Variants in RELL1 observed in about 807,000 individuals in gnomAD.
The protein encoded by RELL1 is RELT-like protein 1.
RELL1 carries 10 observed loss-of-function variants against 23.0 expected under a neutral mutation model. The ratio of observed to expected loss-of-function variants is 0.43; its 90% CI spans 0.27 to 0.74. The LOEUF is 0.74. Ranked by LOEUF, RELL1 falls within the 30% of genes least tolerant of loss-of-function variation. RELL1 has a pLI of 0.19. For synonymous variants in RELL1, 146 were observed against 146.8 expected (o/e 0.99, Z 0.04); for missense variants, 315 against 364.4 (o/e 0.86, Z 1.10).
downstream of RELL1, among the ~76,000 whole-genome samples, chr4:37,605,770 AGAGAG>A (rs1719174777): frequency 7.3e-6 from 1 of 137,292 alleles, no homozygotes; most frequent in South Asian, 2.4e-4. Context: ...AAAGAAAGAG[AGAGAG>A]AGAGAGAGAG....
chr4:37,604,934 GACACACACATACACAC>G (rs1560324147), intron 6 of RELL1, among the ~76,000 whole-genome samples: 1 of 116,428 alleles, frequency 8.6e-6, no homozygotes, highest in African/African-American at 3.6e-5. Context: ...CACACACACA[GACACACACATACACAC>G]ACAGAGACAC....
At chr4:37,603,530 A>G (rs1161287666) in intron 6 of RELL1, among the ~76,000 whole-genome samples, 2 of 152,178 alleles carry the variant, frequency 1.3e-5, no homozygotes, top group Non-Finnish European at 2.9e-5. Flanking sequence ...CAGTGATACT[A>G]TGCACTAAAT....
At chr4:37,590,177 T>C (rs762823965), downstream of RELL1, 2 of 1,614,110 alleles carry the variant, frequency 1.2e-6, no homozygotes, top group Admixed American at 3.3e-5. Flanking sequence ...ACTGATAAAT[T>C]AAAAGGCAAA....
At chr4:37,587,049 T>C (rs951208317), downstream of RELL1, among the ~76,000 whole-genome samples, 2 of 152,154 alleles carry the variant, frequency 1.3e-5, no homozygotes, top group Non-Finnish European at 2.9e-5. Context: ...GCCACACTCT[T>C]TCCAGAGGCT....
At chr4:37,636,705 C>A (rs1009284023) in intron 4 of RELL1, among the ~76,000 whole-genome samples, 1 of 151,978 alleles carries the variant, frequency 6.6e-6, no homozygotes, top group Non-Finnish European at 1.5e-5. Context: ...CCTAACAGAG[C>A]CAAACTGAGC....
At chr4:37,647,346 TG>T in intron 3 of RELL1, 21 bp downstream of exon 3, 1 of 1,571,154 alleles carries the variant, frequency 6.4e-7, no homozygotes, top group African/African-American at 1.3e-5. Context: ...TGAATTGTTT[TG>T]GAACACTAAA....
At chr4:37,677,957 A>G (rs1465825877) in intron 1 of RELL1, among the ~76,000 whole-genome samples, 1 of 152,224 alleles carries the variant, frequency 6.6e-6, no homozygotes, top group Admixed American at 6.5e-5. Context: ...CCTGAGCAAC[A>G]GAACAAGACC....
At chr4:37,679,516 C>G (rs976754309) in intron 1 of RELL1, among the ~76,000 whole-genome samples, 3 of 152,170 alleles carry the variant, frequency 2.0e-5, no homozygotes, top group Non-Finnish European at 4.4e-5. Context: ...ACCTGGAAGT[C>G]AGATGTGCTT....
chr4:37,670,319 A>C (rs1721792035), intron 1 of RELL1, among the ~76,000 whole-genome samples: 1 of 152,020 alleles, frequency 6.6e-6, no homozygotes, highest in Admixed American at 6.6e-5. Flanking sequence ...TAGTGTAGAC[A>C]GCGGTAAACC....
chr4:37,635,926 G>C (rs529655707), intron 4 of RELL1, among the ~76,000 whole-genome samples: 99 of 152,322 alleles, frequency 6.5e-4, no homozygotes, highest in Non-Finnish European at 1.2e-3. Context: ...AAGGAGGAAA[G>C]CCTTTAGGCA....
At chr4:37,669,847 G>A (rs6531569) in intron 1 of RELL1, among the ~76,000 whole-genome samples, 89,318 of 150,796 alleles carry the variant, frequency 0.59, 29,029 homozygotes, top group East Asian at 0.8. Context: ...CAGCATGCTC[G>A]TTAAGAGTCA....
intron 1 of RELL1, among the ~76,000 whole-genome samples, chr4:37,684,902 G>A (rs1365570551): frequency 6.6e-6 from 1 of 152,132 alleles, no homozygotes; most frequent in East Asian, 1.9e-4. Context: ...GCAGTGAGCC[G>A]AGGTTGTGCC....
Position 37,655,242 on chromosome 4 carries a change from A to AATAT in RELL1, c.89-5746_89-5743dup, listed in dbSNP as rs34057942. 8.2e-4 allele frequency among the ~76,000 whole-genome samples: 123 copies of AATAT among 150,136 alleles called. 1 individual carries two copies. The East Asian group carries it at 0.016, about 19-fold the overall frequency. On this transcript the variant is annotated intron_variant, in intron 1 of 6. Coordinates refer to ENST00000454158, the MANE Select transcript of RELL1 (RefSeq NM_001085400.2). The stretch of plus-strand genomic sequence containing the variant: ...ATTGGACCCATTCATTGTGATGGGA[A>AATAT]ATATATATATATATATATAAAAAGC...
downstream of RELL1, chr4:37,589,031 G>A (rs1718458829): frequency 1.6e-6 from 1 of 633,960 alleles, no homozygotes; most frequent in Admixed American, 2.7e-5. Context: ...CACATTAAGA[G>A]TTTGGAATTG....
intron 3 of RELL1, among the ~76,000 whole-genome samples, chr4:37,642,181 T>C (rs561174166): frequency 6.6e-6 from 1 of 152,360 alleles, no homozygotes; most frequent in African/African-American, 2.4e-5. Flanking sequence ...CAGTCATTTA[T>C]AAAGGAATCT....
At chr4:37,660,847 C>T (rs181011948) in intron 1 of RELL1, among the ~76,000 whole-genome samples, 48 of 152,160 alleles carry the variant, frequency 3.2e-4, no homozygotes, top group South Asian at 3.1e-3. Flanking sequence ...CTGGCTAACA[C>T]GGTGAAACCC....
intron 1 of RELL1, among the ~76,000 whole-genome samples, chr4:37,679,949 C>T (rs910110082): frequency 6.6e-6 from 1 of 151,718 alleles, no homozygotes; most frequent in African/African-American, 2.4e-5. Flanking sequence ...GAGACTCCAT[C>T]TCAAAAAAAA....
chr4:37,621,950 A>AGTT (rs2109244982), intron 6 of RELL1, among the ~76,000 whole-genome samples: 1 of 152,342 alleles, frequency 6.6e-6, no homozygotes, highest in Non-Finnish European at 1.5e-5. Flanking sequence ...AAAACATCAT[A>AGTT]GTTGATGACA....
At chr4:37,675,815 T>A (rs1722010080) in intron 1 of RELL1, among the ~76,000 whole-genome samples, 1 of 152,202 alleles carries the variant, frequency 6.6e-6, no homozygotes, top group South Asian at 2.1e-4. Flanking sequence ...CTGCTCACAG[T>A]TGATACTTAG....
Sources: allele counts gnomAD v4.1 joint callset (sites outside exome capture counted in the v4.1 genomes callset), GRCh38; gene constraint gnomAD v4.1.1; transcripts MANE v1.5; gene names NCBI Gene and HGNC (gene_info 2026-07-23, HGNC 2026-07-21).